Variants in ENOX1 observed in about 807,000 individuals in gnomAD.
ENOX1 encodes candidate growth-related and time keeping constitutive hydroquinone (NADH) oxidase.
A neutral mutation model predicts 82.5 loss-of-function variants in ENOX1; 42 were observed. The ratio of observed to expected loss-of-function variants is 0.51; its 90% CI spans 0.40 to 0.66. The LOEUF (loss-of-function observed/expected upper bound fraction) is 0.66. Ranked by LOEUF, ENOX1 falls within the 30% of genes least tolerant of loss-of-function variation. The pLI, the probability that ENOX1 is intolerant of heterozygous loss-of-function variation, is 0.00. For missense variants in ENOX1, 608 were observed against 811.6 expected, an observed-to-expected ratio of 0.75 and a Z score of 3.05; for synonymous variants, 271 against 282.2, an observed-to-expected ratio of 0.96 and a Z score of 0.40.
At chr13:43,634,778 A>G (rs150880673) in intron 2 of ENOX1, among the ~76,000 whole-genome samples, 1 of 152,366 alleles carries the variant, frequency 6.6e-6, no homozygotes, top group East Asian at 1.9e-4. Context: ...CTCAGGGTCT[A>G]TCAGCCAGGT....
chr13:43,269,328 A>G, intron 13 of ENOX1, 142 bp downstream of exon 13: 1 of 656,114 alleles, frequency 1.5e-6, no homozygotes, highest in Non-Finnish European at 2.7e-6. Context: ...CGCATAGCAA[A>G]GCTGCTAGGA....
At chr13:43,471,506 T>G (rs878983537) in intron 3 of ENOX1, among the ~76,000 whole-genome samples, 2 of 152,178 alleles carry the variant, frequency 1.3e-5, no homozygotes, top group East Asian at 3.8e-4. Context: ...CTAATGTCTA[T>G]AACTTGCTTT....
intron 3 of ENOX1, among the ~76,000 whole-genome samples, chr13:43,480,336 A>G (rs969261562): frequency 4.5e-4 from 68 of 152,324 alleles, no homozygotes; most frequent in African/African-American, 1.5e-3. Context: ...AAACATCAAT[A>G]GATGATTTTC....
At chr13:43,623,351 C>G (rs9533557) in intron 2 of ENOX1, among the ~76,000 whole-genome samples, 100,257 of 151,918 alleles carry the variant, frequency 0.66, 34,394 homozygotes, top group East Asian at 0.95. Context: ...CCCCCTGCTC[C>G]TCTCCTGTTG....
chr13:43,677,452 A>G (rs1306470515), intron 1 of ENOX1, among the ~76,000 whole-genome samples: 1 of 152,202 alleles, frequency 6.6e-6, no homozygotes, highest in Non-Finnish European at 1.5e-5. Context: ...TAGAGTGCCA[A>G]TGCCACCTAA....
At chr13:43,416,302 A>G (rs561294269) in intron 3 of ENOX1, among the ~76,000 whole-genome samples, 2 of 147,342 alleles carry the variant, frequency 1.4e-5, no homozygotes, top group East Asian at 2.0e-4. Context: ...GATGCTCCCC[A>G]CTTCCCAGAC....
At chr13:43,352,795 T>A (rs1406998504) in intron 8 of ENOX1, among the ~76,000 whole-genome samples, 8 of 152,182 alleles carry the variant, frequency 5.3e-5, no homozygotes, top group Non-Finnish European at 1.2e-4. Context: ...AGCCAGTGAA[T>A]GGGATAACCT....
chr13:43,541,173 G>GT lies in ENOX1; in HGVS notation c.-218-57022dup, dbSNP rs553504525. Among the ~76,000 whole-genome samples, 201 of 64,580 alleles carry GT rather than the reference G, an allele frequency of 3.1e-3. 20 individuals are homozygous for GT. Among genetic ancestry groups the GT allele is most frequent in the African/African-American group, 9.2e-3 (186 of 20,122 alleles). 42.4% of individuals were successfully genotyped at this position (64,580 alleles called of 152,430 possible). A position where few individuals can be genotyped will look rare whatever the true frequency, so the allele number is the denominator to read the frequency against. ...CTCCAACCTTACACTTCTTCCCTCT[G>GT]TTTTTTTTTTTTTTTTTTTTTTTTT... On this transcript the variant is annotated intron_variant, in intron 2 of 16. Transcript: ENST00000690772.
intron 2 of ENOX1, among the ~76,000 whole-genome samples, chr13:43,600,728 G>T (rs2081672442): frequency 6.6e-6 from 1 of 152,158 alleles, no homozygotes; most frequent in Non-Finnish European, 1.5e-5. Context: ...AAGACCCAGT[G>T]CTGTGCTGGC....
intron 16 of ENOX1, among the ~76,000 whole-genome samples, chr13:43,220,706 T>G (rs2041741411): frequency 6.6e-6 from 1 of 152,226 alleles, no homozygotes; most frequent in South Asian, 2.1e-4. Context: ...TTGTTATCTC[T>G]GCTGTCATAT....
intron 2 of ENOX1, among the ~76,000 whole-genome samples, chr13:43,598,100 A>G (rs766625710): frequency 2.3e-4 from 35 of 152,148 alleles, no homozygotes; most frequent in Non-Finnish European, 3.2e-4. Context: ...TCCCGGCTCT[A>G]CAGAGCTGAC....
chr13:43,618,729 G>C (rs1384615953), intron 2 of ENOX1, among the ~76,000 whole-genome samples: 1 of 151,868 alleles, frequency 6.6e-6, no homozygotes, highest in African/African-American at 2.4e-5. Context: ...CTCTTTTTTT[G>C]GTTCCATATG....
At chr13:43,450,587 T>C (rs1225843861) in intron 3 of ENOX1, among the ~76,000 whole-genome samples, 1 of 151,978 alleles carries the variant, frequency 6.6e-6, no homozygotes, top group Non-Finnish European at 1.5e-5. Flanking sequence ...CAAGACAGAG[T>C]AAGCAGCTTT....
intron 13 of ENOX1, 40 bp from the exon 14 acceptor site, chr13:43,265,494 G>A (rs1181322316): frequency 1.9e-6 from 3 of 1,545,136 alleles, no homozygotes. Context: ...ACAAAAAAAT[G>A]AATAAGCAAG....
chr13:43,375,020 G>A (rs532340780), intron 5 of ENOX1, among the ~76,000 whole-genome samples: 3 of 152,326 alleles, frequency 2.0e-5, no homozygotes, highest in Admixed American at 6.5e-5. Flanking sequence ...TTGTTATTAT[G>A]AGTGCCAAAC....
chr13:43,421,390 C>T (rs991003509), intron 3 of ENOX1, among the ~76,000 whole-genome samples: 5 of 152,190 alleles, frequency 3.3e-5, no homozygotes, highest in African/African-American at 1.2e-4. Flanking sequence ...TGAGAAAGCA[C>T]TGTGCATTCA....
intron 9 of ENOX1, among the ~76,000 whole-genome samples, chr13:43,336,186 A>G (rs2048699105): frequency 1.3e-5 from 2 of 152,224 alleles, no homozygotes; most frequent in African/African-American, 4.8e-5. Context: ...GAAATAAAAA[A>G]TGTTTGGCTG....
At chr13:43,543,437 G>A (rs1250809127) in intron 2 of ENOX1, among the ~76,000 whole-genome samples, 1 of 151,922 alleles carries the variant, frequency 6.6e-6, no homozygotes, top group Non-Finnish European at 1.5e-5. Flanking sequence ...GTTATTGTGT[G>A]GGTATATGTA....
At chr13:43,303,865 C>G (rs1266295536) in intron 11 of ENOX1, among the ~76,000 whole-genome samples, 4 of 152,166 alleles carry the variant, frequency 2.6e-5, no homozygotes, top group African/African-American at 9.7e-5. Flanking sequence ...TCCAAGTCCC[C>G]CAGGTGGTGC....
Sources: gnomAD v4.1 joint callset for allele counts (sites outside exome capture counted in the v4.1 genomes callset) on GRCh38, gnomAD v4.1.1 for gene constraint, MANE v1.5 for transcripts, NCBI Gene and HGNC (gene_info 2026-07-23, HGNC 2026-07-21) for gene names.